Variants in DCHS1 observed in about 807,000 individuals in gnomAD.
DCHS1 encodes protocadherin-16.
Under a neutral mutation model 213.9 loss-of-function variants are expected in DCHS1, and 78 were observed. That is an observed-to-expected ratio of 0.36 (90% CI 0.30 to 0.44). DCHS1 has a LOEUF of 0.44. Ranked by LOEUF, DCHS1 falls within the 20% of genes least tolerant of loss-of-function variation. The pLI, the probability that DCHS1 is intolerant of heterozygous loss-of-function variation, is 1.00. For synonymous variants in DCHS1, 1,828 were observed against 1,873.7 expected (o/e 0.98, Z 0.63); for missense variants, 3,946 against 4,395.9 (o/e 0.90, Z 2.89).
At position 6,640,074 on chromosome 11, in the gene DCHS1, G is replaced by C. The variant is rs747457527; in HGVS notation, c.1540C>G (p.Pro514Ala). The C allele has an allele frequency of 1.9e-6, 3 of 1,613,936 alleles. No homozygotes were observed. The highest frequency in any genetic ancestry group is 2.5e-6 in the Non-Finnish European group (3 of 1,179,854). ...GAGAACCAGTGGGTGTGGGCGCCAGGGGCTAGGCTATAAGTGACCTGACCA... is the reference window on the plus strand; with the variant it reads ...GAGAACCAGTGGGTGTGGGCGCCAGCGGCTAGGCTATAAGTGACCTGACCA... ...TNGQVTYSLAPGAHTHWFSID... is the reference protein window; with the variant it reads ...TNGQVTYSLAAGAHTHWFSID... Residue 514 changes from proline to alanine, a missense_variant, in exon 2 of 21, where the codon CCT becomes GCT. Pro to Ala is a conservative substitution (Grantham distance 27). Around this residue, in one of 3 missense-constraint regions of DCHS1, gnomAD observed 3,384 missense variants for 3,780.1 expected, o/e 0.90. Transcript: ENST00000299441. The surrounding 1 kb of genome is among the most constrained non-coding windows in gnomAD (Gnocchi z 6.5).
In DCHS1 at chr11:6,627,508, G is replaced by C; in HGVS notation, c.5531C>G (p.Thr1844Arg). ...ALSATLLLTVTVLDANDHAPA... is the reference protein window; with the variant it reads ...ALSATLLLTVRVLDANDHAPA... ...AGCATGGTCATTGGCATCCAGCACT[G>C]TCACTGTCAAAAGCAGCGTGGCACT... is the stretch of plus-strand genomic sequence containing the variant. The change falls in exon 14 of 21, where the codon ACA becomes AGA. Residue 1844 changes from threonine to arginine, a missense_variant. By Grantham distance (71) the Thr-to-Arg change is moderately conservative (BLOSUM62 -1). Coordinates refer to ENST00000299441, the MANE Select transcript of DCHS1 (RefSeq NM_003737.4). The surrounding 1 kb of genome is among the most constrained non-coding windows in gnomAD (Gnocchi z 5.4). 1 of 1,612,268 alleles carries C rather than the reference G, an allele frequency of 6.2e-7. No individual in the cohort carries two copies. Among genetic ancestry groups the C allele is most frequent in the Non-Finnish European group, 8.5e-7 (1 of 1,179,338 alleles).
Position 6,622,151 on chromosome 11 carries a change from T to G in DCHS1, c.9525A>C (p.Pro3175=). Residue 3175 remains proline, a synonymous_variant, in exon 21 of 21, where the codon CCA becomes CCC. Coordinates refer to ENST00000299441, the MANE Select transcript of DCHS1 (RefSeq NM_003737.4). This position sits in a 1 kb window ranked among gnomAD's most constrained non-coding sequence, Gnocchi z 5.4. Reference sequence around the variant, plus strand: ...CGATCTCTGTGAAGACACTGGCCAGTGGTTGGAACTGAGGGCACCAGCTCA... The same window carrying G: ...CGATCTCTGTGAAGACACTGGCCAGGGGTTGGAACTGAGGGCACCAGCTCA... ...YLLSWCPQFQ[P]LASVFTEIAR... is the part of the protein sequence containing the mutation. 6.2e-7 allele frequency: 1 copy of G among 1,612,010 alleles called. No individual in the cohort carries two copies. Among genetic ancestry groups the G allele is most frequent in the Non-Finnish European group, 8.5e-7 (1 of 1,179,578 alleles).
Position 6,640,160 on chromosome 11 carries a change from A to T in DCHS1, c.1454T>A (p.Val485Asp). The T allele has an allele frequency of 6.2e-7, 1 of 1,613,696 alleles. No homozygotes were observed. Among genetic ancestry groups the T allele is most frequent in the Non-Finnish European group, 8.5e-7 (1 of 1,179,748 alleles). The change falls in exon 2 of 21, where the codon GTT becomes GAT. Residue 485 changes from valine (V) to aspartate (D), a missense_variant. By Grantham distance (152) the Val-to-Asp change is radical. Transcript: ENST00000299441. The surrounding 1 kb of genome is among the most constrained non-coding windows in gnomAD (Gnocchi z 6.5). ...QLYRPEPLPE[V>D]ALPGSFVVRV... ...CACTACAAAGCTGCCAGGCAGCGCAACCTCAGGCAGGGGCTCAGGTCGGTA... is the reference window on the plus strand; with the variant it reads ...CACTACAAAGCTGCCAGGCAGCGCATCCTCAGGCAGGGGCTCAGGTCGGTA...
rs1282545235 is a variant in DCHS1 at position 6,622,753 on chromosome 11, T to C, written c.8923A>G (p.Met2975Val). 6.9e-6 allele frequency: 11 copies of C among 1,591,408 alleles called. No homozygotes were observed. Among genetic ancestry groups the C allele is most frequent in the African/African-American group, 1.3e-5 (1 of 74,402 alleles). ...CTGGCTAGGGGTGCTGCCTGTGACA[T>C]TGGGCCAGGGGCTGCCTCAGCCTTG... is the stretch of plus-strand genomic sequence containing the variant. ...SRKAEAAPGPMSQAAPLASDS... is the reference protein window; with the variant it reads ...SRKAEAAPGPVSQAAPLASDS... Residue 2975 changes from methionine (M) to valine (V), a missense_variant, in exon 21 of 21, where the codon ATG (methionine) becomes GTG (valine). By Grantham distance (21) the Met-to-Val change is conservative. This residue lies in a region of DCHS1 where 554 missense variants were observed against 590.2 expected (regional missense o/e 0.94). Transcript: ENST00000299441. This position sits in a 1 kb window ranked among gnomAD's most constrained non-coding sequence, Gnocchi z 5.4.
At chr11:6,637,038 A>G (rs1237500363) in intron 2 of DCHS1, among the ~76,000 whole-genome samples, 3 of 152,240 alleles carry the variant, frequency 2.0e-5, no homozygotes, top group African/African-American at 7.2e-5. Context: ...CTCACCTGGT[A>G]TATCAATCAA....
intron 1 of DCHS1, among the ~76,000 whole-genome samples, chr11:6,642,718 G>A (rs1486824077): frequency 6.6e-6 from 1 of 152,146 alleles, no homozygotes; most frequent in African/African-American, 2.4e-5. Context: ...CTGTATTGAA[G>A]ATTTTGACAT....
Position 6,623,482 on chromosome 11 carries a change from C to T in DCHS1, c.8194G>A (p.Asp2732Asn), listed in dbSNP as rs917189635. 8.2e-6 allele frequency: 13 copies of T among 1,587,446 alleles called. No homozygotes were observed. Among genetic ancestry groups the T allele is most frequent in the Middle Eastern group, 1.7e-4 (1 of 6,052 alleles). ...CTCCCAAAAGCCCCAGCATCCCCGT[C>T]GATTGCATGCAGAGTGGTCACGAGA... ...GTLVTTLHAIDGDAGAFGRLR... is the reference protein window; with the variant it reads ...GTLVTTLHAINGDAGAFGRLR... Residue 2732 changes from aspartate to asparagine, a missense_variant, in exon 21 of 21, where the codon GAC (aspartate) becomes AAC (asparagine). Around this residue, in one of 3 missense-constraint regions of DCHS1, gnomAD observed 3,384 missense variants for 3,780.1 expected, o/e 0.90. Coordinates refer to ENST00000299441, the MANE Select transcript of DCHS1 (RefSeq NM_003737.4).
rs1564862499 is a variant in DCHS1 at position 6,628,715 on chromosome 11, C to T, written c.5277G>A (p.Glu1759=). The T allele has an allele frequency of 6.2e-7, 1 of 1,614,018 alleles. No homozygotes were observed. Among genetic ancestry groups the T allele is most frequent in the Non-Finnish European group, 8.5e-7 (1 of 1,179,898 alleles). ...PTFGSAHLSL[E]VPEGQDPQTL... is the part of the protein sequence containing the mutation. ...TCTGGGGGTCCTGGCCCTCAGGCAC[C>T]TCCAGAGAGAGATGGGCACTCCCAA... The change falls in exon 13 of 21, where the codon GAG becomes GAA. Residue 1759 remains glutamate, a synonymous_variant. Transcript: ENST00000299441. This position sits in a 1 kb window ranked among gnomAD's most constrained non-coding sequence, Gnocchi z 4.3.
In DCHS1 at chr11:6,625,003, G is replaced by T; in HGVS notation, c.7147-135C>A. 1 of 1,417,934 alleles carries T rather than the reference G, an allele frequency of 7.1e-7. No individual in the cohort carries two copies. The highest frequency in any genetic ancestry group is 9.6e-7 in the Non-Finnish European group (1 of 1,045,018). 87.8% of individuals were successfully genotyped at this position (1,417,934 alleles called of 1,614,324 possible). A position where few individuals can be genotyped will look rare whatever the true frequency, so the allele number is the denominator to read the frequency against. On this transcript the variant is annotated intron_variant, in intron 19 of 20. Transcript: ENST00000299441. This position sits in a 1 kb window ranked among gnomAD's most constrained non-coding sequence, Gnocchi z 5.3. Reference sequence around the variant, plus strand: ...TTGGAGCCCCTACTCCTAAGTATTCGAATGGGAAATGCCCACCTTCTCCCC... The same window carrying T: ...TTGGAGCCCCTACTCCTAAGTATTCTAATGGGAAATGCCCACCTTCTCCCC...
At position 6,626,409 on chromosome 11, in the gene DCHS1, G is replaced by A. The variant is rs1282842111; in HGVS notation, c.6365-29C>T. The A allele has an allele frequency of 1.3e-5, 21 of 1,608,864 alleles. No homozygotes were observed. Among genetic ancestry groups the A allele is most frequent in the African/African-American group, 2.7e-5 (2 of 74,812 alleles). ...GGCGAGATAGAATGCATCAGTGATAGCCCCCTTTGCTTGCCCTGGAGCCTC... is the reference window on the plus strand; with the variant it reads ...GGCGAGATAGAATGCATCAGTGATAACCCCCTTTGCTTGCCCTGGAGCCTC... On this transcript the variant is annotated intron_variant, in intron 15 of 20. Transcript: ENST00000299441. The surrounding 1 kb of genome is among the most constrained non-coding windows in gnomAD (Gnocchi z 5.2).
In DCHS1 at chr11:6,627,254, C is replaced by T; in HGVS notation, c.5785G>A (p.Val1929Met). The T allele has an allele frequency of 6.2e-7, 1 of 1,613,458 alleles. No homozygotes were observed. Among genetic ancestry groups the T allele is most frequent in the Non-Finnish European group, 8.5e-7 (1 of 1,179,882 alleles). The change falls in exon 14 of 21, where the codon GTG (valine) becomes ATG (methionine). Residue 1929 changes from valine to methionine, a missense_variant. Transcript: ENST00000299441. This position sits in a 1 kb window ranked among gnomAD's most constrained non-coding sequence, Gnocchi z 5.4. ...REQCPSYTFSVSAVDGAAAGP... is the reference protein window; with the variant it reads ...REQCPSYTFSMSAVDGAAAGP... ...GCAGCTGCACCATCCACTGCACTCA[C>T]AGAAAAGGTGTAGCTGGGACACTGT...
At position 6,633,586 on chromosome 11, in the gene DCHS1, C is replaced by G. The variant is rs758898889; in HGVS notation, c.2281G>C (p.Gly761Arg). 1 of 1,595,510 alleles carries G rather than the reference C, an allele frequency of 6.3e-7. No homozygotes were observed. The highest frequency in any genetic ancestry group is 8.5e-7 in the Non-Finnish European group (1 of 1,171,020). Residue 761 changes from glycine to arginine, a missense_variant, in exon 5 of 21, where the codon GGG becomes CGG. This residue lies in a region of DCHS1 where 3,384 missense variants were observed against 3,780.1 expected (regional missense o/e 0.90). Coordinates refer to ENST00000299441, the MANE Select transcript of DCHS1 (RefSeq NM_003737.4). ...RANSVVQLEI[G>R]AEDGGGLQAE... The stretch of plus-strand genomic sequence containing the variant: ...TGTAGGCCACCTCCGTCCTCAGCCC[C>G]GATCTCCAGCTGCACCACAGAATTG...
chr11:6,639,788 C>A, intron 2 of DCHS1, 29 bp downstream of exon 2: 1 of 1,543,650 alleles, frequency 6.5e-7, no homozygotes. Context: ...TCCCCCAACA[C>A]TATCTTGCTA....
At chr11:6,651,302 C>A (rs981092252) in intron 1 of DCHS1, among the ~76,000 whole-genome samples, 3 of 151,902 alleles carry the variant, frequency 2.0e-5, no homozygotes, top group African/African-American at 7.3e-5. Flanking sequence ...GCAGGCAGAG[C>A]AGTATGTGCA....
rs199860951 is a variant in DCHS1, at chr11:6,632,049, G to A, written c.3463C>T (p.Arg1155Cys). The change falls in exon 6 of 21, where the codon CGC becomes TGC. Residue 1155 changes from arginine (R) to cysteine (C), a missense_variant. Physicochemically the swap from Arg to Cys is radical, Grantham distance 180. Coordinates refer to ENST00000299441, the MANE Select transcript of DCHS1 (RefSeq NM_003737.4). This position sits in a 1 kb window ranked among gnomAD's most constrained non-coding sequence, Gnocchi z 5.9. ...TGCTCACCAGTCTGGGGGTGGATGC[G>A]GAAGGCCTTGCTGTCTTCAGACAGC... ...QQLSEDSKAF[R>C]IHPQTGEVTT... The A allele has an allele frequency of 1.2e-5, 18 of 1,516,322 alleles. No individual in the cohort carries two copies. The highest frequency in any genetic ancestry group is 4.5e-5 in the East Asian group (2 of 43,966). The allele number at this position is 1,516,322 out of a possible 1,614,324, so 93.9% of individuals were successfully genotyped here.
chr11:6,655,336 C>G (rs1392549661), intron 1 of DCHS1, among the ~76,000 whole-genome samples: 1 of 151,980 alleles, frequency 6.6e-6, no homozygotes, highest in Non-Finnish European at 1.5e-5. Flanking sequence ...CGCACGCTCC[C>G]GCCGCCACCC....
rs754781990 is a variant in DCHS1 at position 6,632,063 on chromosome 11, T to C, written c.3449A>G (p.Asp1150Gly). The change falls in exon 6 of 21, where the codon GAC (aspartate) becomes GGC (glycine). Residue 1150 changes from aspartate to glycine, a missense_variant. Asp to Gly is a moderately conservative substitution (Grantham distance 94, BLOSUM62 -1). Transcript: ENST00000299441. This position sits in a 1 kb window ranked among gnomAD's most constrained non-coding sequence, Gnocchi z 5.9. ...GGGGTGGATGCGGAAGGCCTTGCTG[T>C]CTTCAGACAGCTGTTGCAGGCTGTA... ...LTYSLQQLSE[D>G]SKAFRIHPQT... The C allele has an allele frequency of 6.5e-7, 1 of 1,526,870 alleles. No individual in the cohort carries two copies. The highest frequency in any genetic ancestry group is 2.1e-5 in the Admixed American group (1 of 48,722). 94.6% of individuals were successfully genotyped at this position (1,526,870 alleles called of 1,614,324 possible).
At chr11:6,646,833 G>A (rs1486174096) in intron 1 of DCHS1, among the ~76,000 whole-genome samples, 1 of 152,138 alleles carries the variant, frequency 6.6e-6, no homozygotes, top group African/African-American at 2.4e-5. Flanking sequence ...CTCACCAACA[G>A]AGCTTCCCTC....
chr11:6,637,273 C>T (rs1855998815), intron 2 of DCHS1, among the ~76,000 whole-genome samples: 1 of 152,166 alleles, frequency 6.6e-6, no homozygotes, highest in African/African-American at 2.4e-5. Context: ...ATGGGAGCTG[C>T]TAAGTGCCTT....
Sources: gnomAD v4.1 joint callset for allele counts (sites outside exome capture counted in the v4.1 genomes callset) on GRCh38, gnomAD v4.1.1 for gene constraint, gnomAD v4.1.1 regional missense constraint, Gnocchi (gnomAD v3.1) non-coding constraint, MANE v1.5 for transcripts, NCBI Gene and HGNC (gene_info 2026-07-23, HGNC 2026-07-21) for gene names.